LIPC: variants seen among roughly 807,000 people sequenced by gnomAD.
The protein encoded by LIPC is hepatic triacylglycerol lipase.
LIPC carries 44 observed loss-of-function variants against 50.7 expected under a neutral mutation model. The ratio of observed to expected loss-of-function variants is 0.87; its 90% CI spans 0.68 to 1.11. LIPC has a LOEUF of 1.11. LIPC is among the 50% of genes most tolerant of loss of function. The pLI is 0.00. For missense variants in LIPC, 697 were observed against 648.2 expected, an observed-to-expected ratio of 1.08 and a Z score of -0.82; for synonymous variants, 271 against 256.4, an observed-to-expected ratio of 1.06 and a Z score of -0.54.
At chr15:58,473,851 T>G (rs1343758209) in intron 1 of LIPC, 4 of 152,404 alleles carry the variant, frequency 2.6e-5, no homozygotes, top group Non-Finnish European at 5.9e-5. Flanking sequence ...TCCAATAAGA[T>G]CAAGAGTCTT....
chr15:58,512,384 G>T (rs1183044774), intron 1 of LIPC, among the ~76,000 whole-genome samples: 1 of 152,248 alleles, frequency 6.6e-6, no homozygotes, highest in Non-Finnish European at 1.5e-5. Context: ...TTACAGGCAT[G>T]AGCCACTGCA....
intron 1 of LIPC, among the ~76,000 whole-genome samples, chr15:58,466,333 G>C (rs1894563254): frequency 6.6e-6 from 1 of 152,150 alleles, no homozygotes. Context: ...ACTCTTTAAG[G>C]CAGCCTTTGT....
chr15:58,458,462 G>C (rs1350832542), intron 1 of LIPC, among the ~76,000 whole-genome samples: 1 of 152,206 alleles, frequency 6.6e-6, no homozygotes, highest in Non-Finnish European at 1.5e-5. Flanking sequence ...TATAATAGCA[G>C]GGACATTGTC....
At chr15:58,447,158 A>G (rs1893726924) in intron 1 of LIPC, among the ~76,000 whole-genome samples, 1 of 151,646 alleles carries the variant, frequency 6.6e-6, no homozygotes, top group Admixed American at 6.6e-5. Flanking sequence ...AAAAAAAAAA[A>G]AAAAAAAAAA....
At chr15:58,514,524 G>C (rs1892428138) in intron 1 of LIPC, among the ~76,000 whole-genome samples, 1 of 152,156 alleles carries the variant, frequency 6.6e-6, no homozygotes, top group African/African-American at 2.4e-5. Flanking sequence ...TTCCTAGTAA[G>C]TATAAAAAGT....
At chr15:58,539,023 G>A (rs1162218011) in intron 2 of LIPC, among the ~76,000 whole-genome samples, 1 of 152,234 alleles carries the variant, frequency 6.6e-6, no homozygotes, top group Non-Finnish European at 1.5e-5. Flanking sequence ...CGGCTAGACA[G>A]CTTTGGTCAG....
At chr15:58,507,652 G>A (rs572187050) in intron 1 of LIPC, among the ~76,000 whole-genome samples, 1 of 152,208 alleles carries the variant, frequency 6.6e-6, no homozygotes, top group Non-Finnish European at 1.5e-5. Context: ...AGGGTAGCTG[G>A]CTAGCGACCT....
Position 58,443,641 on chromosome 15 carries a change from C to A in LIPC, c.88+11521C>A, listed in dbSNP as rs1289204113. ...CCTCGGTGACTTAGTAGTATCAAGA[C>A]AACACCTGAGAAAGCTCCTTTCATG... On this transcript the variant is annotated intron_variant, in intron 1 of 8. Coordinates refer to ENST00000299022, the MANE Select transcript of LIPC (RefSeq NM_000236.3). Among the ~76,000 whole-genome samples, 5 of 152,218 alleles carry A rather than the reference C, an allele frequency of 3.3e-5. No homozygotes were observed. The East Asian group carries it at 7.7e-4, about 24-fold the overall frequency.
chr15:58,458,540 T>C (rs1894219913), intron 1 of LIPC, among the ~76,000 whole-genome samples: 1 of 152,258 alleles, frequency 6.6e-6, no homozygotes, highest in African/African-American at 2.4e-5. Context: ...TAAGTCTTAC[T>C]TGAGGCTTTG....
At chr15:58,452,997 GTGGCCCCTTT>G (rs1595860971) in intron 1 of LIPC, among the ~76,000 whole-genome samples, 1 of 152,318 alleles carries the variant, frequency 6.6e-6, no homozygotes, top group East Asian at 1.9e-4. Flanking sequence ...AAGGACAGCT[GTGGCCCCTTT>G]TGGCTTCTCC....
At chr15:58,520,367 A>T (rs1045716521) in intron 1 of LIPC, among the ~76,000 whole-genome samples, 3 of 152,118 alleles carry the variant, frequency 2.0e-5, no homozygotes, top group Admixed American at 6.5e-5. Flanking sequence ...TGGCCTTGGG[A>T]TGCTAGAGCA....
chr15:58,552,080 G>T (rs1893782695), intron 6 of LIPC, among the ~76,000 whole-genome samples: 1 of 152,166 alleles, frequency 6.6e-6, no homozygotes, highest in African/African-American at 2.4e-5. Context: ...GAGGGGGAGG[G>T]AAACGGATCT....
At chr15:58,456,678 G>C (rs544603167) in intron 1 of LIPC, among the ~76,000 whole-genome samples, 2 of 152,196 alleles carry the variant, frequency 1.3e-5, no homozygotes, top group African/African-American at 2.4e-5. Flanking sequence ...GGATCTGCCC[G>C]CTACCTCATA....
chr15:58,533,139 G>A, intron 1 of LIPC: 1 of 984,256 alleles, frequency 1.0e-6, no homozygotes, highest in Non-Finnish European at 1.2e-6. Flanking sequence ...TCTTATCACT[G>A]GTGTGACTAC....
At chr15:58,552,116 G>C (rs1595946377) in intron 6 of LIPC, among the ~76,000 whole-genome samples, 1 of 152,376 alleles carries the variant, frequency 6.6e-6, no homozygotes, top group South Asian at 2.1e-4. Flanking sequence ...TGTTTCGCCA[G>C]TGCCTCCTCT....
chr15:58,567,784 C>G (rs1331680867), intron 8 of LIPC, among the ~76,000 whole-genome samples: 1 of 152,034 alleles, frequency 6.6e-6, no homozygotes, highest in Non-Finnish European at 1.5e-5. Context: ...CAACATGATG[C>G]CACTCAATAT....
At chr15:58,560,560 G>A (rs991425253) in intron 6 of LIPC, among the ~76,000 whole-genome samples, 1 of 152,156 alleles carries the variant, frequency 6.6e-6, no homozygotes, top group African/African-American at 2.4e-5. Flanking sequence ...AGCAGAACTT[G>A]CATCTAGAAC....
intron 1 of LIPC, among the ~76,000 whole-genome samples, chr15:58,457,036 G>A (rs1408562576): frequency 2.6e-5 from 4 of 152,218 alleles, no homozygotes; most frequent in African/African-American, 4.8e-5. Context: ...TTGTCAGCAT[G>A]CAGGTATCAT....
chr15:58,515,533 C>CACACACATATATATATATATAT (rs147594972), intron 1 of LIPC, among the ~76,000 whole-genome samples: 3 of 141,696 alleles, frequency 2.1e-5, no homozygotes, highest in African/African-American at 5.4e-5. Flanking sequence ...TATACACACA[C>CACACACATATATATATATATAT]ATATATATAT....
Sources: allele counts gnomAD v4.1 joint callset (sites outside exome capture counted in the v4.1 genomes callset), GRCh38; gene constraint gnomAD v4.1.1; transcripts MANE v1.5; gene names NCBI Gene and HGNC (gene_info 2026-07-23, HGNC 2026-07-21).